The following ZDHHC4 variants were observed in gnomAD, a reference collection of about 807,000 sequenced individuals.
ZDHHC4 encodes the protein zDHHC palmitoyltransferase 4.
In ZDHHC4, 42 loss-of-function variants were observed where a neutral mutation model predicts 36.7. The ratio of observed to expected loss-of-function variants is 1.14; its 90% CI spans 0.89 to 1.48. The LOEUF (loss-of-function observed/expected upper bound fraction) is 1.48, where lower values mean the gene tolerates loss of function less well. Ranked by LOEUF, ZDHHC4 falls within the 40% of genes most tolerant of loss-of-function variation. ZDHHC4 has a pLI of 0.00. For missense variants in ZDHHC4, 457 were observed against 421.5 expected (o/e 1.08, Z -0.74); for synonymous variants, 189 against 166.6 (o/e 1.13, Z -1.03).
rs528083647 is a variant in ZDHHC4 at position 6,583,626 on chromosome 7, C to T, written c.496+195C>T. On this transcript the variant is annotated intron_variant, in intron 6 of 7. Transcript: ENST00000335965. The stretch of plus-strand genomic sequence containing the variant: ...AGGTCTTGTGTTCCTGTGTAGTAGA[C>T]AGTCCTCATCTCTGGGCATAACAGC... 71 of 650,480 alleles carry T rather than the reference C, an allele frequency of 1.1e-4. No individual in the cohort carries two copies. In the African/African-American group the frequency reaches 1.2e-3, roughly 11 times the overall value. 40.3% of individuals were successfully genotyped at this position (650,480 alleles called of 1,614,324 possible).
chr7:6,579,176 G>A (rs1466965812), intron 2 of ZDHHC4, among the ~76,000 whole-genome samples: 1 of 151,270 alleles, frequency 6.6e-6, no homozygotes, highest in Admixed American at 6.6e-5. Flanking sequence ...CTACACTATG[G>A]AAAAGAGTTC....
chr7:6,589,296 G>T lies in ZDHHC4; in HGVS notation c.*386G>T. 1 of 214,776 alleles carries T rather than the reference G, an allele frequency of 4.7e-6. No homozygotes were observed. Among genetic ancestry groups the T allele is most frequent in the Non-Finnish European group, 9.6e-6 (1 of 104,054 alleles). The allele number at this position is 214,776 out of a possible 1,614,324, so 13.3% of individuals were successfully genotyped here. On this transcript the variant is annotated 3_prime_UTR_variant, in exon 8 of 8. Coordinates refer to ENST00000335965, the MANE Select transcript of ZDHHC4 (RefSeq NM_001134389.2). The stretch of plus-strand genomic sequence containing the variant: ...TGTGCCTGGCTGTGCTCTCTTTTAT[G>T]CCCCCTCTATTCTCCTCTCTCCCCC...
At chr7:6,582,594 T>G (rs959182675) in intron 5 of ZDHHC4, among the ~76,000 whole-genome samples, 1 of 152,210 alleles carries the variant, frequency 6.6e-6, no homozygotes, top group Non-Finnish European at 1.5e-5. Flanking sequence ...CTCAGCTCGC[T>G]GCAACCTCCG....
chr7:6,588,977 G>C lies in ZDHHC4; in HGVS notation c.*67G>C. On this transcript the variant is annotated 3_prime_UTR_variant, in exon 8 of 8. Transcript: ENST00000335965. ...ACACATGTGGATCCTCGTTTTCCAA[G>C]CATGGCTTGTTTGTTTTGATTTCTG... 2 of 1,541,618 alleles carry C rather than the reference G, an allele frequency of 1.3e-6. No individual in the cohort carries two copies. Among genetic ancestry groups the C allele is most frequent in the South Asian group, 1.2e-5 (1 of 81,860 alleles).
intron 7 of ZDHHC4, among the ~76,000 whole-genome samples, chr7:6,586,698 A>G (rs940563577): frequency 3.3e-5 from 5 of 150,876 alleles, no homozygotes; most frequent in African/African-American, 1.2e-4. Flanking sequence ...CTGGTCTTGA[A>G]CTCCTGACCT....
chr7:6,578,170 C>G (rs1285286522), intron 1 of ZDHHC4, among the ~76,000 whole-genome samples: 1 of 152,104 alleles, frequency 6.6e-6, no homozygotes, highest in Non-Finnish European at 1.5e-5. Context: ...CTCTATGGCC[C>G]AGGCTGGAAG....
chr7:6,577,894 G>C (rs1780546983), intron 1 of ZDHHC4, among the ~76,000 whole-genome samples: 1 of 152,028 alleles, frequency 6.6e-6, no homozygotes, highest in Non-Finnish European at 1.5e-5. Context: ...GTGCAGTGGC[G>C]CGATCTCGGC....
At chr7:6,580,830 T>A in intron 3 of ZDHHC4, 152 bp downstream of exon 3, 1 of 709,350 alleles carries the variant, frequency 1.4e-6, no homozygotes, top group East Asian at 2.6e-5. Flanking sequence ...GGCAGGAGGA[T>A]CCCTTGAGCC....
rs1781469449 is a variant in ZDHHC4, at chr7:6,588,895, G to A, written c.1020G>A (p.Arg340=). The part of the protein sequence containing the change: ...IFLPAFPCHE[R]KKQE ...TACCTGCCTTTCCATGTCATGAGAG[G>A]AAGAAACAAGAATGACAAGTGTATG... The change falls in exon 8 of 8, where the codon AGG becomes AGA. Residue 340 remains arginine (R), a synonymous_variant. Coordinates refer to ENST00000335965, the MANE Select transcript of ZDHHC4 (RefSeq NM_001134389.2). The A allele has an allele frequency of 6.2e-7, 1 of 1,605,900 alleles. No individual in the cohort carries two copies. The highest frequency in any genetic ancestry group is 1.3e-5 in the African/African-American group (1 of 74,786).
chr7:6,587,551 T>G (rs1164882916), intron 7 of ZDHHC4, among the ~76,000 whole-genome samples: 1 of 152,226 alleles, frequency 6.6e-6, no homozygotes, highest in Admixed American at 6.5e-5. Context: ...GGAGTCAGTT[T>G]TGTTTTTACC....
At position 6,584,027 on chromosome 7, in the gene ZDHHC4, A is replaced by G. The variant is rs538582958; in HGVS notation, c.496+596A>G. ...AAACCACTGCACTCCAGCCTCAGCA[A>G]CAGAGCAAGACCCTGTCTCAGAAAA... On this transcript the variant is annotated intron_variant, in intron 6 of 7. Coordinates refer to ENST00000335965, the MANE Select transcript of ZDHHC4 (RefSeq NM_001134389.2). 7 of 152,080 alleles carry G rather than the reference A, an allele frequency of 4.6e-5. No homozygotes were observed. The South Asian group carries it at 1.0e-3, about 23-fold the overall frequency. The allele number at this position is 152,080 out of a possible 1,614,324, so 9.4% of individuals were successfully genotyped here.
At chr7:6,587,850 T>A (rs1781342917) in intron 7 of ZDHHC4, among the ~76,000 whole-genome samples, 1 of 152,174 alleles carries the variant, frequency 6.6e-6, no homozygotes, top group African/African-American at 2.4e-5. Context: ...CAAGACCCTG[T>A]TTCTATTGAT....
At position 6,584,837 on chromosome 7, in the gene ZDHHC4, T is replaced by A. The variant is rs114732058; in HGVS notation, c.497-179T>A. 3.4e-3 allele frequency: 2,764 copies of A among 821,228 alleles called. 68 individuals are homozygous for A. The African/African-American group carries it at 0.043, about 13-fold the overall frequency. 50.9% of individuals were successfully genotyped at this position (821,228 alleles called of 1,614,324 possible). A position where few individuals can be genotyped will look rare whatever the true frequency, so the allele number is the denominator to read the frequency against. ...AGATTGCAAGTGCTCAATACCCACA[T>A]TTGGCTGGTTGCTCCTGTACTGGAC... On this transcript the variant is annotated intron_variant, in intron 6 of 7. Transcript: ENST00000335965.
At chr7:6,580,786 C>G in intron 3 of ZDHHC4, 108 bp downstream of exon 3, 2 of 1,016,624 alleles carry the variant, frequency 2.0e-6, no homozygotes, top group South Asian at 1.4e-5. Flanking sequence ...GGTGCAGTGC[C>G]TCACACCTGT....
intron 2 of ZDHHC4, 111 bp from the exon 3 acceptor site, chr7:6,580,444 G>C (rs1780762269): frequency 1.1e-6 from 1 of 869,928 alleles, no homozygotes. Flanking sequence ...TGTCATTAAA[G>C]TCTAGATGAA....
chr7:6,585,370 T>C, intron 7 of ZDHHC4, 110 bp downstream of exon 7: 1 of 1,452,938 alleles, frequency 6.9e-7, no homozygotes, highest in Non-Finnish European at 9.2e-7. Context: ...ACGCCTATAA[T>C]CCCAGCACTT....
chr7:6,581,380 T>C (rs1354476924), intron 3 of ZDHHC4, among the ~76,000 whole-genome samples: 2 of 152,236 alleles, frequency 1.3e-5, no homozygotes, highest in African/African-American at 4.8e-5. Flanking sequence ...CTGAAGACAC[T>C]GACAGGTGCC....
intron 2 of ZDHHC4, among the ~76,000 whole-genome samples, chr7:6,579,871 C>CA (rs1247679723): frequency 1.3e-5 from 2 of 152,074 alleles, no homozygotes; most frequent in Non-Finnish European, 2.9e-5. Flanking sequence ...TGCAGTGGCT[C>CA]ACGCCTGTAC....
At position 6,588,965 on chromosome 7, in the gene ZDHHC4, C is replaced by A; in HGVS notation, c.*55C>A. The A allele has an allele frequency of 6.4e-7, 1 of 1,556,518 alleles. No individual in the cohort carries two copies. ...TCCCGTTTATTTACACATGTGGATC[C>A]TCGTTTTCCAAGCATGGCTTGTTTG... On this transcript the variant is annotated 3_prime_UTR_variant, in exon 8 of 8. Transcript: ENST00000335965.
Sources: gnomAD v4.1 joint callset for allele counts (sites outside exome capture counted in the v4.1 genomes callset) on GRCh38, gnomAD v4.1.1 for gene constraint, MANE v1.5 for transcripts, NCBI Gene and HGNC (gene_info 2026-07-23, HGNC 2026-07-21) for gene names.